Variants in MAML1 observed in about 807,000 individuals in gnomAD.
The protein encoded by MAML1 is mastermind-like protein 1.
A neutral mutation model predicts 77.1 loss-of-function variants in MAML1; 14 were observed. That is an observed-to-expected ratio of 0.18 (90% CI 0.12 to 0.28). MAML1 has a LOEUF of 0.28. Ranked by LOEUF, MAML1 falls within the 10% of genes least tolerant of loss-of-function variation. MAML1 has a pLI of 1.00. For synonymous variants in MAML1, 516 were observed against 551.9 expected, an observed-to-expected ratio of 0.93 and a Z score of 0.91; for missense variants, 1,217 against 1,327.8, an observed-to-expected ratio of 0.92 and a Z score of 1.30.
chr5:179,771,515 T>G lies in MAML1; in HGVS notation c.2068+272T>G, dbSNP rs1407048908. On this transcript the variant is annotated intron_variant, in intron 4 of 4. Transcript: ENST00000292599. The surrounding 1 kb of genome is among the most constrained non-coding windows in gnomAD (Gnocchi z 4.7). ...AAATCATTTCTAGTTGGAGGACATC[T>G]TATCAGCAGGAAATAGCTTCTGTAA... is the stretch of plus-strand genomic sequence containing the variant. Among the ~76,000 whole-genome samples the G allele has an allele frequency of 6.6e-6, 1 of 152,250 alleles. No individual in the cohort carries two copies. The highest frequency in any genetic ancestry group is 1.5e-5 in the Non-Finnish European group (1 of 68,030).
intron 1 of MAML1, among the ~76,000 whole-genome samples, chr5:179,762,236 A>G (rs1347344703): frequency 6.6e-6 from 1 of 152,160 alleles, no homozygotes; most frequent in East Asian, 1.9e-4. Flanking sequence ...TATCCTTCCT[A>G]TAAGGCTAGT....
At chr5:179,751,096 C>A (rs1313808791) in intron 1 of MAML1, among the ~76,000 whole-genome samples, 1 of 152,218 alleles carries the variant, frequency 6.6e-6, no homozygotes, top group Non-Finnish European at 1.5e-5. Flanking sequence ...GTCTCAGCCT[C>A]CCGAGTAGCT....
rs747105579 is a variant in MAML1, at chr5:179,765,968, G to A, written c.958G>A (p.Gly320Arg). ...GTTAGGCTCTCCACAAGTGAGGGCCGGGTCTGCAGGGCAGACCTTTCTGGG... is the reference window on the plus strand; with the variant it reads ...GTTAGGCTCTCCACAAGTGAGGGCCAGGTCTGCAGGGCAGACCTTTCTGGG... The part of the protein sequence containing the change: ...EQLGSPQVRA[G>R]SAGQTFLGPS... The change falls in exon 2 of 5, where the codon GGG becomes AGG. Residue 320 changes from glycine to arginine, a missense_variant. By Grantham distance (125) the Gly-to-Arg change is moderately radical (BLOSUM62 -2). Coordinates refer to ENST00000292599, the MANE Select transcript of MAML1 (RefSeq NM_014757.5). 4.3e-5 allele frequency: 70 copies of A among 1,613,526 alleles called. 1 individual carries two copies. The Middle Eastern group carries it at 5.1e-3, about 117-fold the overall frequency.
At chr5:179,763,162 G>T (rs559064081) in intron 1 of MAML1, among the ~76,000 whole-genome samples, 1 of 152,160 alleles carries the variant, frequency 6.6e-6, no homozygotes, top group African/African-American at 2.4e-5. Context: ...TGGAACAAAA[G>T]AAAATGGTAG....
intron 1 of MAML1, among the ~76,000 whole-genome samples, chr5:179,764,126 A>G (rs1338873399): frequency 6.6e-6 from 1 of 151,992 alleles, no homozygotes; most frequent in Non-Finnish European, 1.5e-5. Context: ...CTGAACTCCC[A>G]GGGTACTTAC....
At position 179,733,101 on chromosome 5, in the gene MAML1, A is replaced by G. The variant is rs1157723062; in HGVS notation, c.-12A>G. Reference sequence around the variant, plus strand: ...GCCCGGCCCCGGGCCCGGCCCGTGCAGCCCGCGGCCCATGGTGCTGCCCAC... The same window carrying G: ...GCCCGGCCCCGGGCCCGGCCCGTGCGGCCCGCGGCCCATGGTGCTGCCCAC... On this transcript the variant is annotated 5_prime_UTR_variant, in exon 1 of 5. Coordinates refer to ENST00000292599, the MANE Select transcript of MAML1 (RefSeq NM_014757.5). 1.0e-5 allele frequency: 14 copies of G among 1,366,646 alleles called. No homozygotes were observed. Among genetic ancestry groups the G allele is most frequent in the Admixed American group, 3.4e-5 (1 of 29,224 alleles). The allele number at this position is 1,366,646 out of a possible 1,614,324, so 84.7% of individuals were successfully genotyped here.
chr5:179,769,118 G>A lies in MAML1; in HGVS notation c.1971+29G>A, dbSNP rs375170724. On this transcript the variant is annotated intron_variant, in intron 3 of 4. Transcript: ENST00000292599. This position sits in a 1 kb window ranked among gnomAD's most constrained non-coding sequence, Gnocchi z 4.2. ...AAAAGAAAAGTGGAAGGAAACCACC[G>A]CTTCCCACCTTTGCCTGCACCCTGC... The A allele has an allele frequency of 5.3e-5, 86 of 1,611,566 alleles. No homozygotes were observed. Among genetic ancestry groups the A allele is most frequent in the Non-Finnish European group, 6.9e-5 (81 of 1,178,360 alleles).
chr5:179,750,629 T>A (rs930994191), intron 1 of MAML1, among the ~76,000 whole-genome samples: 1 of 151,994 alleles, frequency 6.6e-6, no homozygotes, highest in East Asian at 1.9e-4. Flanking sequence ...TCCGGCTAAT[T>A]ATTGTATTTT....
intron 1 of MAML1, among the ~76,000 whole-genome samples, chr5:179,762,680 A>G (rs1779744830): frequency 1.3e-5 from 2 of 152,186 alleles, no homozygotes; most frequent in African/African-American, 4.8e-5. Flanking sequence ...CTGTTCTTAC[A>G]TAACTTTTAA....
chr5:179,775,546 A>G lies in MAML1; in HGVS notation c.*669A>G. 1.0e-6 allele frequency: 1 copy of G among 985,318 alleles called. No individual in the cohort carries two copies. The highest frequency in any genetic ancestry group is 1.2e-6 in the Non-Finnish European group (1 of 829,898). 61.0% of individuals were successfully genotyped at this position (985,318 alleles called of 1,614,324 possible). On this transcript the variant is annotated 3_prime_UTR_variant, in exon 5 of 5. Coordinates refer to ENST00000292599, the MANE Select transcript of MAML1 (RefSeq NM_014757.5). The stretch of plus-strand genomic sequence containing the variant: ...GCCAAAAAGGGACAGGAGGCATGGG[A>G]TAGCAGGTCTGGTGACACAGCTAGG...
chr5:179,752,718 T>C lies in MAML1; in HGVS notation c.316-12608T>C, dbSNP rs1486833739. Among the ~76,000 whole-genome samples the C allele has an allele frequency of 2.0e-5, 3 of 148,158 alleles. No homozygotes were observed. The East Asian group carries it at 6.3e-4, about 31-fold the overall frequency. On this transcript the variant is annotated intron_variant, in intron 1 of 4. Transcript: ENST00000292599. Reference sequence around the variant, plus strand: ...GCCTCCCGGGTTCACGCCATTCTCCTGCCTCAGCCTCTGGATATTACTCTT... The same window carrying C: ...GCCTCCCGGGTTCACGCCATTCTCCCGCCTCAGCCTCTGGATATTACTCTT...
chr5:179,752,566 A>G (rs1256560249), intron 1 of MAML1, among the ~76,000 whole-genome samples: 3 of 131,180 alleles, frequency 2.3e-5, no homozygotes, highest in East Asian at 2.2e-4. Context: ...GTACGTTTGT[A>G]CTGTGTTGAG....
chr5:179,771,308 TGCTGTCTGCCCA>T lies in MAML1; in HGVS notation c.2068+69_2068+80del. 4.4e-6 allele frequency: 6 copies of T among 1,366,634 alleles called. No homozygotes were observed. Among genetic ancestry groups the T allele is most frequent in the Non-Finnish European group, 6.3e-6 (6 of 955,818 alleles). 84.7% of individuals were successfully genotyped at this position (1,366,634 alleles called of 1,614,324 possible). On this transcript the variant is annotated intron_variant, in intron 4 of 4. Coordinates refer to ENST00000292599, the MANE Select transcript of MAML1 (RefSeq NM_014757.5). This position sits in a 1 kb window ranked among gnomAD's most constrained non-coding sequence, Gnocchi z 4.7. ...CGCTGCCTGGTGCTGGTTGAATCCC[TGCTGTCTGCCCA>T]GCTCTATGCCTTGACTTCATCAGGC...
chr5:179,752,598 C>CTTTTTTTTT (rs1172970221), intron 1 of MAML1, among the ~76,000 whole-genome samples: 5 of 71,836 alleles, frequency 7.0e-5, no homozygotes, highest in African/African-American at 2.5e-4. Context: ...ATTAGATACT[C>CTTTTTTTTT]TTTTTTTTTT....
At chr5:179,764,116 C>T (rs1315845524) in intron 1 of MAML1, among the ~76,000 whole-genome samples, 4 of 152,098 alleles carry the variant, frequency 2.6e-5, no homozygotes, top group Non-Finnish European at 5.9e-5. Context: ...ATCGCCGCCC[C>T]TGAACTCCCA....
intron 1 of MAML1, among the ~76,000 whole-genome samples, chr5:179,744,279 G>A (rs1326125390): frequency 6.6e-6 from 1 of 151,948 alleles, no homozygotes; most frequent in Non-Finnish European, 1.5e-5. Context: ...CCACTCCCCC[G>A]GGTTTAAGCA....
At chr5:179,748,958 T>TTG (rs1554149790) in intron 1 of MAML1, among the ~76,000 whole-genome samples, 141 of 151,250 alleles carry the variant, frequency 9.3e-4, no homozygotes, top group African/African-American at 3.4e-3. Context: ...TTGTTTTTTT[T>TTG]TTTTTTGTTT....
At chr5:179,768,727 A>G in intron 2 of MAML1, 123 bp from the exon 3 acceptor site, 4 of 1,260,356 alleles carry the variant, frequency 3.2e-6, no homozygotes, top group Non-Finnish European at 4.4e-6. Context: ...GATGGTTGTT[A>G]TTCGAGGTCA....
At chr5:179,752,342 AAAAAAAAAAT>A (rs1430101257) in intron 1 of MAML1, among the ~76,000 whole-genome samples, 1 of 86,590 alleles carries the variant, frequency 1.2e-5, no homozygotes, top group Non-Finnish European at 2.3e-5. Context: ...AAAAAAAAAA[AAAAAAAAAAT>A]ATATATATAT....
Sources: allele counts gnomAD v4.1 joint callset (sites outside exome capture counted in the v4.1 genomes callset), GRCh38; gene constraint gnomAD v4.1.1; non-coding constraint Gnocchi (gnomAD v3.1); transcripts MANE v1.5; gene names NCBI Gene and HGNC (gene_info 2026-07-23, HGNC 2026-07-21).